C1orf21: variants seen among roughly 807,000 people sequenced by gnomAD.
The protein encoded by C1orf21 is uncharacterized protein C1orf21.
A neutral mutation model predicts 18.7 loss-of-function variants in C1orf21; 3 were observed. The observed-to-expected ratio is 0.16, with a 90% CI of 0.07 to 0.42. C1orf21 has a LOEUF of 0.42. Ranked by LOEUF, C1orf21 falls within the 10% of genes least tolerant of loss-of-function variation. The probability of loss-of-function intolerance (pLI) is 0.99; values close to 1 mark genes in which losing one functional copy is unlikely to be tolerated. For missense variants in C1orf21, 104 were observed against 143.6 expected (o/e 0.72, Z 1.41); for synonymous variants, 41 against 46.4 (o/e 0.88, Z 0.47).
intron 5 of C1orf21, among the ~76,000 whole-genome samples, chr1:184,618,717 C>G (rs187252255): frequency 6.9e-6 from 1 of 144,778 alleles, no homozygotes; most frequent in African/African-American, 2.5e-5. Context: ...ATAATAATAA[C>G]ACCTGACTTT....
chr1:184,482,736 A>C lies in C1orf21; in HGVS notation c.94+5133A>C, dbSNP rs539749092. ...GAAGTATGTGTCTCTGAGTGTGTGT[A>C]CACACACATTTGATCCTTTTCCTAA... On this transcript the variant is annotated intron_variant, in intron 2 of 5. Transcript: ENST00000235307. Among the ~76,000 whole-genome samples, 5 of 152,298 alleles carry C rather than the reference A, an allele frequency of 3.3e-5. No homozygotes were observed. In the South Asian group the frequency reaches 1.0e-3, roughly 32 times the overall value.
chr1:184,600,090 G>A (rs1188036425), intron 5 of C1orf21, among the ~76,000 whole-genome samples: 1 of 152,134 alleles, frequency 6.6e-6, no homozygotes, highest in African/African-American at 2.4e-5. Flanking sequence ...GGTAAAACTT[G>A]AAACCTGAAT....
At position 184,622,800 on chromosome 1, in the gene C1orf21, T is replaced by G. The variant is rs1659944854; in HGVS notation, c.*3244T>G. ...CCCAGGAGGAGTGCTGGTTCTTCAG[T>G]CTTTGTACTGGCCCCATCCTCTCCT... On this transcript the variant is annotated 3_prime_UTR_variant, in exon 6 of 6. Transcript: ENST00000235307. 6.6e-6 allele frequency: 1 copy of G among 152,178 alleles called. No homozygotes were observed. 9.4% of individuals were successfully genotyped at this position (152,178 alleles called of 1,614,324 possible).
chr1:184,574,336 T>C (rs553200172), intron 3 of C1orf21, among the ~76,000 whole-genome samples: 29 of 152,382 alleles, frequency 1.9e-4, no homozygotes, highest in Admixed American at 7.8e-4. Context: ...AATTGTTTCA[T>C]GAAATGTGCA....
Position 184,518,780 on chromosome 1 carries a change from A to G in C1orf21, c.189+11098A>G, listed in dbSNP as rs1376320816. Among the ~76,000 whole-genome samples, 6 of 152,232 alleles carry G rather than the reference A, an allele frequency of 3.9e-5. No homozygotes were observed. The East Asian group carries it at 7.7e-4, about 20-fold the overall frequency. On this transcript the variant is annotated intron_variant, in intron 3 of 5. Coordinates refer to ENST00000235307, the MANE Select transcript of C1orf21 (RefSeq NM_030806.4). ...CACTGAAAGTGTGTAAGGATTGACA[A>G]TGCACAGTTGCAACTCTCAGGAAAC...
At position 184,619,060 on chromosome 1, in the gene C1orf21, G is replaced by A. The variant is rs938932954; in HGVS notation, c.328-458G>A. Among the ~76,000 whole-genome samples, 4 of 152,208 alleles carry A rather than the reference G, an allele frequency of 2.6e-5. No individual in the cohort carries two copies. In the South Asian group the frequency reaches 6.2e-4, roughly 24 times the overall value. ...GCGTGTTTAAGGATTCTTGTTTGTT[G>A]TTTTTTGTAATCCGTTTTAGAGTGA... On this transcript the variant is annotated intron_variant, in intron 5 of 5. Coordinates refer to ENST00000235307, the MANE Select transcript of C1orf21 (RefSeq NM_030806.4).
chr1:184,555,652 G>A (rs1445573469), intron 3 of C1orf21, among the ~76,000 whole-genome samples: 2 of 151,792 alleles, frequency 1.3e-5, no homozygotes, highest in African/African-American at 4.8e-5. Flanking sequence ...TTTTCTTTTG[G>A]TGAAACTCAC....
intron 3 of C1orf21, among the ~76,000 whole-genome samples, chr1:184,575,629 A>AG (rs972569685): frequency 3.2e-5 from 4 of 125,252 alleles, no homozygotes; most frequent in African/African-American, 1.3e-4. Flanking sequence ...AAAAAAAAAA[A>AG]AAGAAGAACT....
chr1:184,392,571 T>C (rs551156187), intron 1 of C1orf21, among the ~76,000 whole-genome samples: 8 of 152,052 alleles, frequency 5.3e-5, no homozygotes, highest in Non-Finnish European at 1.0e-4. Flanking sequence ...AGAACTGCAC[T>C]CCTATCATCT....
intron 1 of C1orf21, among the ~76,000 whole-genome samples, chr1:184,414,664 T>G (rs12128343): frequency 6.6e-6 from 1 of 152,172 alleles, no homozygotes; most frequent in Non-Finnish European, 1.5e-5. Context: ...CAAACTATGT[T>G]TTTGTCAATA....
chr1:184,445,916 C>A (rs1012951721), intron 1 of C1orf21, among the ~76,000 whole-genome samples: 1 of 152,036 alleles, frequency 6.6e-6, no homozygotes, highest in Non-Finnish European at 1.5e-5. Flanking sequence ...AAATATTTCC[C>A]TTGCCAAGTA....
chr1:184,486,148 A>G (rs1194260330), intron 2 of C1orf21, among the ~76,000 whole-genome samples: 2 of 152,204 alleles, frequency 1.3e-5, no homozygotes, highest in Non-Finnish European at 1.5e-5. Flanking sequence ...TTCTGAAGTA[A>G]AAGTGCTCAG....
rs1256499302 is a variant in C1orf21, at chr1:184,622,957, C to T, written c.*3401C>T. ...CCCCCTTCTTGGTCCCATGTGATGT[C>T]ATCCTGCTTTGTTATCTTCTTATAA... On this transcript the variant is annotated 3_prime_UTR_variant, in exon 6 of 6. Coordinates refer to ENST00000235307, the MANE Select transcript of C1orf21 (RefSeq NM_030806.4). 6.6e-6 allele frequency: 1 copy of T among 152,310 alleles called. No homozygotes were observed. The highest frequency in any genetic ancestry group is 1.5e-5 in the Non-Finnish European group (1 of 68,106). The allele number at this position is 152,310 out of a possible 1,614,324, so 9.4% of individuals were successfully genotyped here.
At chr1:184,406,648 A>G (rs1486050395) in intron 1 of C1orf21, among the ~76,000 whole-genome samples, 1 of 152,194 alleles carries the variant, frequency 6.6e-6, no homozygotes, top group East Asian at 1.9e-4. Context: ...CTGGAGCCTT[A>G]CTATGTCTGT....
chr1:184,562,177 A>G (rs1571278677), intron 3 of C1orf21, among the ~76,000 whole-genome samples: 1 of 151,448 alleles, frequency 6.6e-6, no homozygotes, highest in African/African-American at 2.4e-5. Flanking sequence ...AAGCAGGAAA[A>G]CCCCTTTGCC....
intron 3 of C1orf21, among the ~76,000 whole-genome samples, chr1:184,561,101 T>C (rs927525165): frequency 1.3e-5 from 2 of 152,198 alleles, no homozygotes; most frequent in African/African-American, 4.8e-5. Flanking sequence ...TTTAGCAAGA[T>C]CATCTTGACA....
At chr1:184,601,866 A>C (rs1386573055) in intron 5 of C1orf21, among the ~76,000 whole-genome samples, 2 of 151,908 alleles carry the variant, frequency 1.3e-5, no homozygotes, top group Non-Finnish European at 1.5e-5. Context: ...CTGCCACTGC[A>C]CTCCAGCCTG....
intron 3 of C1orf21, among the ~76,000 whole-genome samples, chr1:184,538,614 C>T (rs1378229623): frequency 1.3e-5 from 2 of 152,144 alleles, no homozygotes; most frequent in African/African-American, 4.8e-5. Flanking sequence ...ATCTTTGATC[C>T]ATTTTGAGGT....
At chr1:184,484,323 G>A (rs774388779) in intron 2 of C1orf21, among the ~76,000 whole-genome samples, 1 of 152,126 alleles carries the variant, frequency 6.6e-6, no homozygotes, top group Non-Finnish European at 1.5e-5. Context: ...AGTACATGGT[G>A]ACCTCTGCTT....
Sources: allele counts gnomAD v4.1 joint callset (sites outside exome capture counted in the v4.1 genomes callset), GRCh38; gene constraint gnomAD v4.1.1; transcripts MANE v1.5; gene names NCBI Gene and HGNC (gene_info 2026-07-23, HGNC 2026-07-21).